Variants in LOXL1 observed in about 807,000 individuals in gnomAD.
The protein encoded by LOXL1 is lysyl oxidase homolog 1.
Under a neutral mutation model 62.2 loss-of-function variants are expected in LOXL1, and 31 were observed. The observed-to-expected ratio is 0.50, with a 90% confidence interval of 0.37 to 0.67. The LOEUF (loss-of-function observed/expected upper bound fraction) is 0.67. Among genes scored for constraint, LOXL1 ranks in the 30% least tolerant of loss-of-function variants. The probability of loss-of-function intolerance (pLI) is 0.00; values close to 1 mark genes in which losing one functional copy is unlikely to be tolerated. For missense variants in LOXL1, 775 were observed against 843.4 expected, an observed-to-expected ratio of 0.92 and a Z score of 1.00; for synonymous variants, 403 against 384.4, an observed-to-expected ratio of 1.05 and a Z score of -0.56.
chr15:73,927,693 G>GACCCACGCCTGGGCTGGT lies in LOXL1; in HGVS notation c.915_932dup (p.Arg306_Pro311dup). On this transcript the variant is annotated inframe_insertion, in exon 1 of 7. Transcript: ENST00000261921. ...CGAGGCGGCGCAGGCCCATGGCGGA[G>GACCCACGCCTGGGCTGGT]ACCCACGCCTGGGCTGGTACCCGCC... 1 of 1,483,704 alleles carries GACCCACGCCTGGGCTGGT rather than the reference G, an allele frequency of 6.7e-7. No individual in the cohort carries two copies. The highest frequency in any genetic ancestry group is 1.8e-4 in the Middle Eastern group (1 of 5,408). 91.9% of individuals were successfully genotyped at this position (1,483,704 alleles called of 1,614,324 possible). A position where few individuals can be genotyped will look rare whatever the true frequency, so the allele number is the denominator to read the frequency against.
At chr15:73,940,932 T>G (rs1451617739) in intron 1 of LOXL1, among the ~76,000 whole-genome samples, 2 of 152,194 alleles carry the variant, frequency 1.3e-5, no homozygotes, top group Non-Finnish European at 2.9e-5. Flanking sequence ...TGTGGAGCCA[T>G]CTGTGCAGTA....
rs993508095 is a variant in LOXL1, at chr15:73,949,590, C to G, written c.1718+16C>G. On this transcript the variant is annotated intron_variant, in intron 6 of 6. Transcript: ENST00000261921. ...AAATTGTCCAGTAAGAGTTTGCCCA[C>G]CACCCTTCCTGGCTCCGTCCCTTTC... The G allele has an allele frequency of 1.3e-6, 2 of 1,557,512 alleles. No homozygotes were observed. Among genetic ancestry groups the G allele is most frequent in the Non-Finnish European group, 1.8e-6 (2 of 1,129,050 alleles).
intron 1 of LOXL1, among the ~76,000 whole-genome samples, chr15:73,939,443 G>T (rs1463789582): frequency 6.6e-6 from 1 of 152,218 alleles, no homozygotes; most frequent in African/African-American, 2.4e-5. Flanking sequence ...TGACAGAGGT[G>T]GAGCTCAGAG....
In LOXL1 at chr15:73,927,323, G is replaced by T; in HGVS notation, c.540G>T (p.Pro180=). Residue 180 remains proline (P), a synonymous_variant, in exon 1 of 7, where the codon CCG becomes CCT. Transcript: ENST00000261921. The part of the protein sequence containing the change: ...QPSYPQQFPY[P]QAPFVSQYEN... ...CCTACCCGCAGCAGTTCCCCTACCC[G>T]CAGGCGCCCTTCGTCAGCCAGTACG... 6.2e-7 allele frequency: 1 copy of T among 1,602,958 alleles called. No individual in the cohort carries two copies. The highest frequency in any genetic ancestry group is 8.5e-7 in the Non-Finnish European group (1 of 1,176,380).
chr15:73,932,514 G>A (rs1217258549), intron 1 of LOXL1, among the ~76,000 whole-genome samples: 1 of 152,186 alleles, frequency 6.6e-6, no homozygotes, highest in Non-Finnish European at 1.5e-5. Flanking sequence ...GTTGTGACAG[G>A]GTGAGATGGG....
At chr15:73,942,039 A>C (rs2141632439) in intron 1 of LOXL1, 1 of 173,854 alleles carries the variant, frequency 5.8e-6, no homozygotes, top group South Asian at 8.3e-5. Context: ...TGCAGGGGAG[A>C]GAGCCAGGGC....
chr15:73,940,156 G>A (rs10851865), intron 1 of LOXL1, among the ~76,000 whole-genome samples: 140,940 of 149,276 alleles, frequency 0.94, 66,691 homozygotes, highest in East Asian at 0.99. Context: ...CAGATGGGGT[G>A]GTGAGAGAGG....
At chr15:73,938,321 A>G (rs1232626958) in intron 1 of LOXL1, among the ~76,000 whole-genome samples, 3 of 151,812 alleles carry the variant, frequency 2.0e-5, no homozygotes, top group African/African-American at 7.3e-5. Context: ...CTATCTAGGT[A>G]GATAGATAGA....
rs1410090558 is a variant in LOXL1, at chr15:73,947,804, C to T, written c.1507-3C>T. ...ACAGCCGCTCCTCTTGTCCCTTTCC[C>T]AGGGCCTGAGCCCAGGCTGCTATGA... is the stretch of plus-strand genomic sequence containing the variant. On this transcript the variant is annotated splice_region_variant and splice_polypyrimidine_tract_variant and intron_variant, in intron 4 of 6. Coordinates refer to ENST00000261921, the MANE Select transcript of LOXL1 (RefSeq NM_005576.4). The T allele has an allele frequency of 6.2e-7, 1 of 1,606,690 alleles. No homozygotes were observed. The highest frequency in any genetic ancestry group is 8.5e-7 in the Non-Finnish European group (1 of 1,174,636).
Position 73,927,265 on chromosome 15 carries a change from C to T in LOXL1, c.482C>T (p.Ser161Leu), listed in dbSNP as rs145943705. 4.3e-4 allele frequency: 693 copies of T among 1,601,832 alleles called. 1 individual carries two copies. In the African/African-American group the frequency reaches 7.6e-3, roughly 18 times the overall value. ...HGGSASSVSASAFASTYRQQP... is the reference protein window; with the variant it reads ...HGGSASSVSALAFASTYRQQP... ...GGCTCCGCCTCCTCGGTCTCGGCTT[C>T]GGCCTTCGCCAGCACCTACCGCCAG... The change falls in exon 1 of 7, where the codon TCG becomes TTG. Residue 161 changes from serine to leucine, a missense_variant. Transcript: ENST00000261921.
At position 73,951,835 on chromosome 15, in the gene LOXL1, T is replaced by C. The variant is rs757528055; in HGVS notation, c.1723T>C (p.Ter575ArgextTer?). 6.5e-7 allele frequency: 1 copy of C among 1,548,040 alleles called. No individual in the cohort carries two copies. Among genetic ancestry groups the C allele is most frequent in the Non-Finnish European group, 8.7e-7 (1 of 1,143,160 alleles). Residue 575 changes from the stop codon to arginine, a stop_lost, in exon 7 of 7, where the codon TGA becomes CGA. Transcript: ENST00000261921. The part of the protein sequence containing the change: ...SATNCKIVQS[*>R] The stretch of plus-strand genomic sequence containing the variant: ...CCACTGTCTTTCCTTCCTCAGATCC[T>C]GATCTCCGGGAGGGACAGATGGCCA...
intron 1 of LOXL1, among the ~76,000 whole-genome samples, chr15:73,940,842 T>C (rs1022136822): frequency 6.6e-6 from 1 of 152,216 alleles, no homozygotes; most frequent in Non-Finnish European, 1.5e-5. Flanking sequence ...GGCCTCTTCC[T>C]CCCGCTCCTC....
At chr15:73,934,079 G>C (rs558342055) in intron 1 of LOXL1, among the ~76,000 whole-genome samples, 102 of 152,362 alleles carry the variant, frequency 6.7e-4, no homozygotes, top group African/African-American at 2.3e-3. Context: ...ATGGGAAAGC[G>C]AGGCCCCAGA....
At chr15:73,928,570 T>G (rs1318437162) in intron 1 of LOXL1, among the ~76,000 whole-genome samples, 1 of 140,448 alleles carries the variant, frequency 7.1e-6, no homozygotes, top group Non-Finnish European at 1.5e-5. Flanking sequence ...TGAGTAATAT[T>G]GAGATGTATT....
chr15:73,926,716 G>A lies in LOXL1; in HGVS notation c.-68G>A. On this transcript the variant is annotated 5_prime_UTR_variant, in exon 1 of 7. Transcript: ENST00000261921. ...CTTCCTGTCCTCGAGGCCGTGGGAA[G>A]AGAAGCACGCCCAGGGGGCCACTCC... The A allele has an allele frequency of 1.5e-6, 2 of 1,356,020 alleles. No homozygotes were observed. The highest frequency in any genetic ancestry group is 9.5e-7 in the Non-Finnish European group (1 of 1,049,920). 84.0% of individuals were successfully genotyped at this position (1,356,020 alleles called of 1,614,324 possible).
At chr15:73,935,587 C>T (rs1482026851) in intron 1 of LOXL1, among the ~76,000 whole-genome samples, 4 of 141,868 alleles carry the variant, frequency 2.8e-5, no homozygotes, top group Admixed American at 1.4e-4. Context: ...CCTGCAAGGG[C>T]GGGGAGGGCT....
chr15:73,951,092 G>A (rs2068782155), intron 6 of LOXL1, among the ~76,000 whole-genome samples: 1 of 152,216 alleles, frequency 6.6e-6, no homozygotes, highest in Admixed American at 6.5e-5. Flanking sequence ...GAAGGAGGAG[G>A]AAGGAAGAAG....
intron 6 of LOXL1, among the ~76,000 whole-genome samples, chr15:73,950,508 A>C (rs957201790): frequency 1.3e-5 from 2 of 151,906 alleles, no homozygotes; most frequent in African/African-American, 4.8e-5. Flanking sequence ...GTTAGGGCTC[A>C]GTGTGTGACA....
rs1280040290 is a variant in LOXL1, at chr15:73,930,498, A to G, written c.1102+2613A>G. On this transcript the variant is annotated intron_variant, in intron 1 of 6. Coordinates refer to ENST00000261921, the MANE Select transcript of LOXL1 (RefSeq NM_005576.4). The surrounding 1 kb of genome is among the most constrained non-coding windows in gnomAD (Gnocchi z 4.7). ...ACCGTGGAAAATCCCAGCCCAGGGA[A>G]GGCCAAGCCTTGTGCTTGAGATCAG... 6.6e-6 allele frequency among the ~76,000 whole-genome samples: 1 copy of G among 152,152 alleles called. No individual in the cohort carries two copies. Among genetic ancestry groups the G allele is most frequent in the Non-Finnish European group, 1.5e-5 (1 of 67,996 alleles).
Sources: gnomAD v4.1 joint callset for allele counts (sites outside exome capture counted in the v4.1 genomes callset) on GRCh38, gnomAD v4.1.1 for gene constraint, Gnocchi (gnomAD v3.1) non-coding constraint, MANE v1.5 for transcripts, NCBI Gene and HGNC (gene_info 2026-07-23, HGNC 2026-07-21) for gene names.